Variants in EPS15L1 observed in about 807,000 individuals in gnomAD.
EPS15L1 encodes epidermal growth factor receptor substrate 15-like 1.
In EPS15L1, 43 loss-of-function variants were observed where a neutral mutation model predicts 117.1. The ratio of observed to expected loss-of-function variants is 0.37; its 90% CI spans 0.29 to 0.47. The LOEUF (loss-of-function observed/expected upper bound fraction) is 0.47, where lower values mean the gene tolerates loss of function less well. Among genes scored for constraint, EPS15L1 ranks in the 20% least tolerant of loss-of-function variants. The pLI, the probability that EPS15L1 is intolerant of heterozygous loss-of-function variation, is 0.99. For missense variants in EPS15L1, 981 were observed against 1,164.0 expected (o/e 0.84, Z 2.29); for synonymous variants, 459 against 470.5 (o/e 0.98, Z 0.32).
intron 16 of EPS15L1, among the ~76,000 whole-genome samples, chr19:16,396,001 G>C (rs926083776): frequency 6.6e-6 from 1 of 151,600 alleles, no homozygotes; most frequent in Non-Finnish European, 1.5e-5. Context: ...CCAGCTACTT[G>C]GGAGGTTGAC....
intron 1 of EPS15L1, among the ~76,000 whole-genome samples, chr19:16,450,194 C>T (rs940278277): frequency 2.6e-5 from 4 of 152,078 alleles, no homozygotes; most frequent in Non-Finnish European, 4.4e-5. Context: ...CTGCAGTGAG[C>T]TATGATCGTG....
intron 1 of EPS15L1, among the ~76,000 whole-genome samples, chr19:16,459,106 T>A (rs1000526847): frequency 6.6e-6 from 1 of 152,160 alleles, no homozygotes; most frequent in East Asian, 1.9e-4. Context: ...TATCTAAACA[T>A]AGCAAAGGCA....
At chr19:16,392,998 C>T (rs192799116) in intron 18 of EPS15L1, among the ~76,000 whole-genome samples, 17 of 151,730 alleles carry the variant, frequency 1.1e-4, no homozygotes, top group East Asian at 7.8e-4. Flanking sequence ...GCTATAATTG[C>T]GCCACTGCAC....
At chr19:16,456,861 G>A (rs150721574) in intron 1 of EPS15L1, among the ~76,000 whole-genome samples, 418 of 152,176 alleles carry the variant, frequency 2.7e-3, no homozygotes, top group Non-Finnish European at 4.4e-3. Context: ...GATTCAGCAC[G>A]GCCCCAGTCA....
In EPS15L1 at chr19:16,370,881, A is replaced by C. The variant is rs2144673029; in HGVS notation, c.2380+6241T>G. On this transcript the variant is annotated intron_variant, in intron 22 of 23. Coordinates refer to ENST00000455140, the MANE Select transcript of EPS15L1 (RefSeq NM_001258374.3). This position sits in a 1 kb window ranked among gnomAD's most constrained non-coding sequence, Gnocchi z 5.2. ...GGGATGGGGGGCGTGGGCAGGAAAG[A>C]GGGACTCCACCTGGTTGGCCGTTTT... is the stretch of plus-strand genomic sequence containing the variant. Among the ~76,000 whole-genome samples, 1 of 152,200 alleles carries C rather than the reference A, an allele frequency of 6.6e-6. No homozygotes were observed. Among genetic ancestry groups the C allele is most frequent in the Admixed American group, 6.5e-5 (1 of 15,308 alleles).
Position 16,381,284 on chromosome 19 carries a change from T to A in EPS15L1, c.2247+3845A>T, listed in dbSNP as rs2092359723. Among the ~76,000 whole-genome samples the A allele has an allele frequency of 6.6e-6, 1 of 152,208 alleles. No homozygotes were observed. Among genetic ancestry groups the A allele is most frequent in the South Asian group, 2.1e-4 (1 of 4,830 alleles). ...ACAAAGGAGGCGCAGCCTGCCCACA[T>A]CACACAGCAGGTCCACGGCGGATCC... On this transcript the variant is annotated intron_variant, in intron 21 of 23. Transcript: ENST00000455140. This position sits in a 1 kb window ranked among gnomAD's most constrained non-coding sequence, Gnocchi z 4.2.
chr19:16,468,840 C>A (rs944364111), intron 1 of EPS15L1, among the ~76,000 whole-genome samples: 16 of 152,038 alleles, frequency 1.1e-4, no homozygotes, highest in Non-Finnish European at 1.3e-4. Context: ...AGCAAGACTT[C>A]ATCTCTTCAA....
At chr19:16,443,892 G>A (rs533844334) in intron 1 of EPS15L1, among the ~76,000 whole-genome samples, 3 of 151,118 alleles carry the variant, frequency 2.0e-5, no homozygotes, top group South Asian at 4.2e-4. Flanking sequence ...GTGAAACCCC[G>A]TCTCTACTAA....
chr19:16,448,551 G>GGT (rs900543404), intron 1 of EPS15L1, among the ~76,000 whole-genome samples: 1 of 148,790 alleles, frequency 6.7e-6, no homozygotes, highest in African/African-American at 2.5e-5. Context: ...AAAAAAAGGG[G>GGT]GGGGGAGAAA....
chr19:16,440,662 G>C, intron 4 of EPS15L1, 200 bp downstream of exon 4: 1 of 439,424 alleles, frequency 2.3e-6, no homozygotes, highest in Non-Finnish European at 4.1e-6. Flanking sequence ...ATAAATAAAA[G>C]ATACACTAGC....
chr19:16,444,141 TAAAGATCTG>T (rs2093060750), intron 1 of EPS15L1, among the ~76,000 whole-genome samples: 1 of 34,152 alleles, frequency 2.9e-5, no homozygotes, highest in Admixed American at 3.1e-4. Context: ...GAAAATAGCA[TAAAGATCTG>T]AAAGGGGAGA....
intron 1 of EPS15L1, among the ~76,000 whole-genome samples, chr19:16,450,570 T>C (rs2093131237): frequency 7.0e-6 from 1 of 142,122 alleles, no homozygotes. Context: ...AACCTCCGCC[T>C]CCCAGGTTCA....
intron 23 of EPS15L1, 104 bp from the exon 24 acceptor site, chr19:16,355,955 G>A (rs1568382420): frequency 9.5e-6 from 13 of 1,364,522 alleles, no homozygotes; most frequent in South Asian, 4.1e-5. Flanking sequence ...CCTGCCCACC[G>A]CCCAGCGGAG....
At chr19:16,445,883 T>G (rs73511162) in intron 1 of EPS15L1, among the ~76,000 whole-genome samples, 5 of 152,178 alleles carry the variant, frequency 3.3e-5, no homozygotes, top group African/African-American at 9.7e-5. Context: ...GCTGACCCGA[T>G]GTGTTCTCCT....
chr19:16,373,335 C>T (rs1346441649), intron 22 of EPS15L1, among the ~76,000 whole-genome samples: 3 of 152,146 alleles, frequency 2.0e-5, no homozygotes, highest in African/African-American at 4.8e-5. Context: ...CAGGGGAAGG[C>T]GGCCGTCACT....
At chr19:16,364,260 T>C (rs2092101192) in intron 22 of EPS15L1, among the ~76,000 whole-genome samples, 1 of 152,178 alleles carries the variant, frequency 6.6e-6, no homozygotes, top group African/African-American at 2.4e-5. Context: ...GGGCCTATCT[T>C]TGCCAAAACT....
rs1161654461 is a variant in EPS15L1 at position 16,365,678 on chromosome 19, C to T, written c.2381-3694G>A. 2.6e-5 allele frequency among the ~76,000 whole-genome samples: 4 copies of T among 152,324 alleles called. No individual in the cohort carries two copies. The highest frequency in any genetic ancestry group is 9.6e-5 in the African/African-American group (4 of 41,570). On this transcript the variant is annotated intron_variant, in intron 22 of 23. Coordinates refer to ENST00000455140, the MANE Select transcript of EPS15L1 (RefSeq NM_001258374.3). This position sits in a 1 kb window ranked among gnomAD's most constrained non-coding sequence, Gnocchi z 4.9. ...GTGACCTCAGCCAGTCCCTCGAGCC[C>T]CTGCCTGCTTCTGCCCAGCTTCTCC...
At chr19:16,376,723 G>A (rs563822413) in intron 22 of EPS15L1, among the ~76,000 whole-genome samples, 1 of 152,272 alleles carries the variant, frequency 6.6e-6, no homozygotes, top group African/African-American at 2.4e-5. Context: ...GGAGAAGGAC[G>A]GAAGAGAAGG....
intron 13 of EPS15L1, among the ~76,000 whole-genome samples, chr19:16,406,728 A>G (rs1186400142): frequency 6.6e-6 from 1 of 152,256 alleles, no homozygotes. Flanking sequence ...AAAGATGCCA[A>G]AATGTGTACA....
Sources: gnomAD v4.1 joint callset for allele counts (sites outside exome capture counted in the v4.1 genomes callset) on GRCh38, gnomAD v4.1.1 for gene constraint, Gnocchi (gnomAD v3.1) non-coding constraint, MANE v1.5 for transcripts, NCBI Gene and HGNC (gene_info 2026-07-23, HGNC 2026-07-21) for gene names.